Variants in DIS3 observed in about 807,000 individuals in gnomAD.
DIS3 encodes the protein DIS3 exosome endoribonuclease and 3'-5' exoribonuclease.
A neutral mutation model predicts 113.0 loss-of-function variants in DIS3; 103 were observed. The observed-to-expected ratio is 0.91, with a 90% CI of 0.78 to 1.07. DIS3 has a LOEUF of 1.07. DIS3 is among the 50% of genes least tolerant of loss of function. DIS3 has a pLI of 0.00. For missense variants in DIS3, 1,121 were observed against 1,167.1 expected (o/e 0.96, Z 0.58); for synonymous variants, 402 against 394.3 (o/e 1.02, Z -0.23).
intron 14 of DIS3, among the ~76,000 whole-genome samples, chr13:72,768,232 G>C (rs532567996): frequency 3.9e-5 from 6 of 152,220 alleles, no homozygotes; most frequent in African/African-American, 1.4e-4. Flanking sequence ...AAATCTTAGG[G>C]TGTTCTTGCC....
At chr13:72,761,259 C>T (rs2033615902) in intron 19 of DIS3, 104 bp downstream of exon 19, 1 of 1,403,140 alleles carries the variant, frequency 7.1e-7, no homozygotes, top group African/African-American at 1.5e-5. Context: ...AGGATAAATT[C>T]TTCAGGGTAC....
At chr13:72,760,799 T>A in intron 19 of DIS3, 148 bp from the exon 20 acceptor site, 1 of 881,202 alleles carries the variant, frequency 1.1e-6, no homozygotes, top group Non-Finnish European at 1.6e-6. Flanking sequence ...GCCACAAACC[T>A]AGTAGTCTCA....
rs1367116170 is a variant in DIS3 at position 72,752,257 on chromosome 13, G to A, written c.*7538C>T. 1 of 152,066 alleles carries A rather than the reference G, an allele frequency of 6.6e-6. No individual in the cohort carries two copies. Among genetic ancestry groups the A allele is most frequent in the Non-Finnish European group, 1.5e-5 (1 of 68,012 alleles). The allele number at this position is 152,066 out of a possible 1,614,324, so 9.4% of individuals were successfully genotyped here. ...AATAGAACATGACTTTTTAATTTTT[G>A]TCCCCTCATCCTTCTTAGCTATAAA... On this transcript the variant is annotated 3_prime_UTR_variant, in exon 21 of 21. Transcript: ENST00000377767.
intron 3 of DIS3, among the ~76,000 whole-genome samples, chr13:72,777,713 G>A (rs545766057): frequency 4.0e-5 from 6 of 151,474 alleles, no homozygotes; most frequent in African/African-American, 7.3e-5. Flanking sequence ...TTAGCCTCCC[G>A]AGTAGCTGGG....
chr13:72,760,241 C>T (rs555157045), intron 20 of DIS3, among the ~76,000 whole-genome samples: 1 of 152,276 alleles, frequency 6.6e-6, no homozygotes, highest in East Asian at 1.9e-4. Context: ...AACACCTACA[C>T]TTCATCTTCA....
chr13:72,773,553 C>A, intron 8 of DIS3, 131 bp downstream of exon 8: 2 of 975,620 alleles, frequency 2.0e-6, no homozygotes, highest in South Asian at 3.8e-5. Context: ...CTTACCAGGT[C>A]ACTTTGTGAA....
chr13:72,761,188 G>A (rs1176796303), intron 19 of DIS3, among the ~76,000 whole-genome samples, 175 bp downstream of exon 19: 1 of 152,168 alleles, frequency 6.6e-6, no homozygotes, highest in Non-Finnish European at 1.5e-5. Context: ...GAAATTGTGA[G>A]TAAAACCATA....
intron 14 of DIS3, 106 bp from the exon 15 acceptor site, chr13:72,766,164 T>A (rs939810343): frequency 1.1e-6 from 1 of 892,484 alleles, no homozygotes; most frequent in African/African-American, 1.7e-5. Context: ...AAGTGTGTAA[T>A]AGTTGCTCTT....
intron 5 of DIS3, 116 bp downstream of exon 5, chr13:72,775,809 G>C: frequency 3.3e-6 from 3 of 897,128 alleles, no homozygotes; most frequent in Non-Finnish European, 4.8e-6. Flanking sequence ...GTTACTATTT[G>C]CTTTAAAGTA....
At position 72,781,754 on chromosome 13, in the gene DIS3, C is replaced by G. The variant is rs1244385222; in HGVS notation, c.79G>C (p.Asp27His). The G allele has an allele frequency of 6.2e-7, 1 of 1,600,492 alleles. No individual in the cohort carries two copies. The highest frequency in any genetic ancestry group is 1.7e-5 in the Admixed American group (1 of 58,196). Residue 27 changes from aspartate to histidine, a missense_variant, in exon 1 of 21, where the codon GAC (aspartate) becomes CAC (histidine). Coordinates refer to ENST00000377767, the MANE Select transcript of DIS3 (RefSeq NM_014953.5). ...CCGGGCGCACCGCAGCCGATGTCGT[C>G]TCGCAGGTAGTGCTCGCGCACGATC... ...MKIVREHYLR[D>H]DIGCGAPGCA...
In DIS3 at chr13:72,755,056, A is replaced by G. The variant is rs961897614; in HGVS notation, c.*4739T>C. On this transcript the variant is annotated 3_prime_UTR_variant, in exon 21 of 21. Transcript: ENST00000377767. ...CTGTCCCTTCAGAGTTCAGCTAAAG[A>G]AACGTGCTTTTAGGTTTTAAAAACA... 4 of 967,244 alleles carry G rather than the reference A, an allele frequency of 4.1e-6. No individual in the cohort carries two copies. Among genetic ancestry groups the G allele is most frequent in the Non-Finnish European group, 6.6e-6 (4 of 609,342 alleles). The allele number at this position is 967,244 out of a possible 1,614,324, so 59.9% of individuals were successfully genotyped here.
chr13:72,771,085 C>T lies in DIS3; in HGVS notation c.1666G>A (p.Asp556Asn). 1 of 1,613,406 alleles carries T rather than the reference C, an allele frequency of 6.2e-7. No homozygotes were observed. The highest frequency in any genetic ancestry group is 2.2e-5 in the East Asian group (1 of 44,774). Residue 556 changes from aspartate to asparagine, a missense_variant, in exon 12 of 21, where the codon GAC becomes AAC. Asp to Asn is a conservative substitution (Grantham distance 23). This residue lies in a region of DIS3 where 861 missense variants were observed against 915.5 expected (regional missense o/e 0.94). Coordinates refer to ENST00000377767, the MANE Select transcript of DIS3 (RefSeq NM_014953.5). ...SNLCSLKCDV[D>N]RLAFSCIWEM... Reference sequence around the variant, plus strand: ...AAAAAAACCATGCAGAAATACCTGTCCACGTCACATTTTAAGGAACACAAG... The same window carrying T: ...AAAAAAACCATGCAGAAATACCTGTTCACGTCACATTTTAAGGAACACAAG...
At chr13:72,772,374 A>T (rs1467609290) in intron 9 of DIS3, 99 bp from the exon 10 acceptor site, 2 of 903,466 alleles carry the variant, frequency 2.2e-6, no homozygotes, top group East Asian at 5.2e-5. Context: ...TACAAAAACA[A>T]TTTAGCTGTA....
In DIS3 at chr13:72,753,551, T is replaced by G; in HGVS notation, c.*6244A>C. The G allele has an allele frequency of 1.2e-6, 1 of 852,456 alleles. No homozygotes were observed. Among genetic ancestry groups the G allele is most frequent in the South Asian group, 1.9e-5 (1 of 51,334 alleles). The allele number at this position is 852,456 out of a possible 1,614,324, so 52.8% of individuals were successfully genotyped here. On this transcript the variant is annotated 3_prime_UTR_variant, in exon 21 of 21. Coordinates refer to ENST00000377767, the MANE Select transcript of DIS3 (RefSeq NM_014953.5). ...ACCTTTTATATTTGTGCATTACTTT[T>G]GAATTTTGTTCAACATGATCAATAT...
intron 6 of DIS3, 129 bp from the exon 7 acceptor site, chr13:72,774,188 AATGTTG>A (rs1311549252): frequency 1.8e-6 from 1 of 563,252 alleles, no homozygotes; most frequent in Non-Finnish European, 3.0e-6. Context: ...AAGACTACAG[AATGTTG>A]ATGTTTCAAC....
intron 14 of DIS3, among the ~76,000 whole-genome samples, 188 bp downstream of exon 14, chr13:72,768,597 T>C (rs530375181): frequency 6.6e-6 from 1 of 152,330 alleles, no homozygotes; most frequent in African/African-American, 2.4e-5. Context: ...TCAGCCGAGA[T>C]TGTGCCATTG....
chr13:72,761,623 C>G, intron 18 of DIS3, 23 bp downstream of exon 18: 1 of 1,556,612 alleles, frequency 6.4e-7, no homozygotes, highest in Non-Finnish European at 8.6e-7. Context: ...TTTTTTCTAG[C>G]AGTATCGACA....
rs1432426546 is a variant in DIS3, at chr13:72,771,819, T to G, written c.1581A>C (p.Gly527=). Reference sequence around the variant, plus strand: ...CCTTTTCACAAAGATACACAGTTGTTCCTCTTCTGGCTGATTCTTGATCCA... The same window carrying G: ...CCTTTTCACAAAGATACACAGTTGTGCCTCTTCTGGCTGATTCTTGATCCA... ...NALDQESARR[G]TTVYLCEKRI... Residue 527 remains glycine, a synonymous_variant, in exon 11 of 21, where the codon GGA becomes GGC. Coordinates refer to ENST00000377767, the MANE Select transcript of DIS3 (RefSeq NM_014953.5). 2 of 1,613,806 alleles carry G rather than the reference T, an allele frequency of 1.2e-6. No individual in the cohort carries two copies. The highest frequency in any genetic ancestry group is 1.1e-5 in the South Asian group (1 of 91,072).
Position 72,758,586 on chromosome 13 carries a change from C to T in DIS3, c.*1209G>A, listed in dbSNP as rs2033551657. 1 of 219,904 alleles carries T rather than the reference C, an allele frequency of 4.5e-6. No individual in the cohort carries two copies. The allele number at this position is 219,904 out of a possible 1,614,324, so 13.6% of individuals were successfully genotyped here. A position where few individuals can be genotyped will look rare whatever the true frequency, so the allele number is the denominator to read the frequency against. ...TTTCAGTGTCACTGACCCATTTTAC[C>T]TGGACCAAAGACTACTCAAGTCTAT... On this transcript the variant is annotated 3_prime_UTR_variant, in exon 21 of 21. Transcript: ENST00000377767.
Sources: gnomAD v4.1 joint callset for allele counts (sites outside exome capture counted in the v4.1 genomes callset) on GRCh38, gnomAD v4.1.1 for gene constraint, gnomAD v4.1.1 regional missense constraint, MANE v1.5 for transcripts, NCBI Gene and HGNC (gene_info 2026-07-23, HGNC 2026-07-21) for gene names.